Variants in KCNIP1 observed in about 807,000 individuals in gnomAD.
KCNIP1 encodes A-type potassium channel modulatory protein KCNIP1.
Under a neutral mutation model 33.0 loss-of-function variants are expected in KCNIP1, and 18 were observed. The ratio of observed to expected loss-of-function variants is 0.55; its 90% confidence interval spans 0.38 to 0.81. The LOEUF is 0.81. Among genes scored for constraint, KCNIP1 ranks in the 30% least tolerant of loss-of-function variants. KCNIP1 has a pLI of 0.00. For synonymous variants in KCNIP1, 93 were observed against 98.3 expected, an observed-to-expected ratio of 0.95 and a Z score of 0.32; for missense variants, 238 against 271.6, an observed-to-expected ratio of 0.88 and a Z score of 0.87.
chr5:170,362,930 A>G (rs897036216), intron 1 of KCNIP1, among the ~76,000 whole-genome samples: 25 of 152,192 alleles, frequency 1.6e-4, no homozygotes, highest in Admixed American at 1.6e-3. Flanking sequence ...TAAGCCATGA[A>G]GCATATTGGA....
At chr5:170,618,610 T>G in intron 1 of KCNIP1, among the ~76,000 whole-genome samples, 1 of 148,898 alleles carries the variant, frequency 6.7e-6, no homozygotes, top group African/African-American at 2.5e-5. Context: ...CTGATTGGCA[T>G]GAAGGGCAAT....
At chr5:170,497,476 C>T (rs1267153669) in intron 1 of KCNIP1, among the ~76,000 whole-genome samples, 1 of 152,296 alleles carries the variant, frequency 6.6e-6, no homozygotes, top group African/African-American at 2.4e-5. Context: ...GGCTGTGTTT[C>T]ACTGGGGAGA....
In KCNIP1 at chr5:170,460,163, A is replaced by G. The variant is rs138627810; in HGVS notation, c.88+106199A>G. 3.3e-3 allele frequency among the ~76,000 whole-genome samples: 510 copies of G among 152,290 alleles called. 3 individuals carry two copies. The highest frequency in any genetic ancestry group is 0.012 in the African/African-American group (489 of 41,556). On this transcript the variant is annotated intron_variant, in intron 1 of 7. Transcript: ENST00000377360. Reference sequence around the variant, plus strand: ...AGGGAGAATTCGATACCATGAACAGACCAATAACAAGCAGTGAGATTGAAA... The same window carrying G: ...AGGGAGAATTCGATACCATGAACAGGCCAATAACAAGCAGTGAGATTGAAA...
chr5:170,391,503 G>C (rs1260188073), intron 1 of KCNIP1, among the ~76,000 whole-genome samples: 1 of 152,228 alleles, frequency 6.6e-6, no homozygotes, highest in Admixed American at 6.5e-5. Context: ...TGGCTGCGGG[G>C]TTGTGTGTGA....
At chr5:170,404,228 TAAAAATTGGAAACTAATA>T (rs1388404870) in intron 1 of KCNIP1, among the ~76,000 whole-genome samples, 3 of 152,266 alleles carry the variant, frequency 2.0e-5, no homozygotes, top group African/African-American at 7.2e-5. Flanking sequence ...AGCACAGTCT[TAAAAATTGGAAACTAATA>T]AAAAATCATC....
chr5:170,672,515 AT>A (rs1761963894), intron 1 of KCNIP1, among the ~76,000 whole-genome samples: 2 of 152,378 alleles, frequency 1.3e-5, no homozygotes, highest in African/African-American at 4.8e-5. Context: ...TGTGGGGAGA[AT>A]TAATTTCAGG....
chr5:170,397,928 A>C lies in KCNIP1; in HGVS notation c.88+43964A>C, dbSNP rs575337995. 2.6e-5 allele frequency among the ~76,000 whole-genome samples: 4 copies of C among 152,290 alleles called. No homozygotes were observed. The South Asian group carries it at 8.3e-4, about 32-fold the overall frequency. ...TATAGGTAGATTTAAACATTTTCTG[A>C]TTGGCAATTGGTTGAAAGAGTTATA... On this transcript the variant is annotated intron_variant, in intron 1 of 7. Coordinates refer to the KCNIP1 transcript ENST00000377360.
At chr5:170,715,024 G>T (rs149691049) in intron 1 of KCNIP1, among the ~76,000 whole-genome samples, 1 of 152,114 alleles carries the variant, frequency 6.6e-6, no homozygotes, top group Non-Finnish European at 1.5e-5. Flanking sequence ...TTCCAGTCCT[G>T]TAACTTCCAT....
intron 1 of KCNIP1, among the ~76,000 whole-genome samples, chr5:170,399,354 G>A (rs1315436031): frequency 6.6e-6 from 1 of 152,162 alleles, no homozygotes; most frequent in Non-Finnish European, 1.5e-5. Context: ...CTTTGTGAAT[G>A]CCTGCCTGCT....
chr5:170,535,297 C>T (rs1381137610), intron 1 of KCNIP1, among the ~76,000 whole-genome samples: 1 of 152,116 alleles, frequency 6.6e-6, no homozygotes, highest in Admixed American at 6.5e-5. Flanking sequence ...GACAGTGGAA[C>T]CAAGCGGGGT....
intron 1 of KCNIP1, among the ~76,000 whole-genome samples, chr5:170,652,929 C>CA (rs957404919): frequency 3.3e-5 from 5 of 152,196 alleles, no homozygotes; most frequent in Admixed American, 6.5e-5. Context: ...GCAAAACCAA[C>CA]AAAAAAACGA....
chr5:170,627,596 G>C (rs557393555), intron 1 of KCNIP1, among the ~76,000 whole-genome samples: 8 of 152,252 alleles, frequency 5.3e-5, no homozygotes, highest in African/African-American at 1.9e-4. Flanking sequence ...CGGAGTGCCT[G>C]AGATGGCTCA....
chr5:170,614,582 C>T (rs1240509283), intron 1 of KCNIP1, among the ~76,000 whole-genome samples: 2 of 152,166 alleles, frequency 1.3e-5, no homozygotes, highest in Admixed American at 1.3e-4. Flanking sequence ...TTTTTTCACA[C>T]GTGCATTCCC....
Position 170,475,561 on chromosome 5 carries a change from G to A in KCNIP1, c.88+121597G>A, listed in dbSNP as rs577105723. On this transcript the variant is annotated intron_variant, in intron 1 of 7. Coordinates refer to the KCNIP1 transcript ENST00000377360. ...GGGCTCTCACTGCTGGTAAGACAGG[G>A]AAATAGAGGAGATAAAAATAACAAA... Among the ~76,000 whole-genome samples the A allele has an allele frequency of 3.3e-5, 5 of 152,308 alleles. No individual in the cohort carries two copies. The South Asian group carries it at 1.0e-3, about 32-fold the overall frequency.
chr5:170,525,622 C>T (rs76861563), intron 1 of KCNIP1, among the ~76,000 whole-genome samples: 32 of 152,310 alleles, frequency 2.1e-4, no homozygotes, highest in Admixed American at 6.5e-4. Context: ...CCTTTACCGC[C>T]GTGTGATTCT....
At chr5:170,558,042 G>C (rs1410457852) in intron 1 of KCNIP1, among the ~76,000 whole-genome samples, 2 of 152,200 alleles carry the variant, frequency 1.3e-5, no homozygotes, top group Non-Finnish European at 2.9e-5. Context: ...GTTTAGGAGA[G>C]AGGACTTGAC....
chr5:170,616,547 G>T (rs1759378292), intron 1 of KCNIP1, among the ~76,000 whole-genome samples: 1 of 152,160 alleles, frequency 6.6e-6, no homozygotes, highest in African/African-American at 2.4e-5. Flanking sequence ...AAGGATGGCG[G>T]CATCTCTGCG....
At chr5:170,427,709 G>T (rs1001221940) in intron 1 of KCNIP1, among the ~76,000 whole-genome samples, 1 of 152,186 alleles carries the variant, frequency 6.6e-6, no homozygotes, top group Non-Finnish European at 1.5e-5. Context: ...CTGCACCTGT[G>T]GGGTCTGCCA....
chr5:170,672,185 G>A (rs1229423822), intron 1 of KCNIP1, among the ~76,000 whole-genome samples: 14 of 152,222 alleles, frequency 9.2e-5, no homozygotes, highest in African/African-American at 3.4e-4. Flanking sequence ...AAGTCACTTC[G>A]TGGACTGAGA....
Sources: gnomAD v4.1 joint callset for allele counts (sites outside exome capture counted in the v4.1 genomes callset) on GRCh38, gnomAD v4.1.1 for gene constraint, MANE v1.5 for transcripts, NCBI Gene and HGNC (gene_info 2026-07-23, HGNC 2026-07-21) for gene names.